The following SUOX variants were observed in gnomAD, a reference collection of about 807,000 sequenced individuals.
The protein encoded by SUOX is sulfite oxidase, mitochondrial.
SUOX carries 39 observed loss-of-function variants against 41.9 expected under a neutral mutation model. That is an observed-to-expected ratio of 0.93 (90% CI 0.72 to 1.21). SUOX has a LOEUF of 1.21. Among genes scored for constraint, SUOX ranks in the 50% most tolerant of loss-of-function variants. SUOX has a pLI of 0.00. For synonymous variants in SUOX, 220 were observed against 268.4 expected (o/e 0.82, Z 1.76); for missense variants, 633 against 689.5 (o/e 0.92, Z 0.92).
At position 56,003,764 on chromosome 12, in the gene SUOX, G is replaced by C. The variant is rs772009704; in HGVS notation, c.375G>C (p.Leu125=). ...VDLHPGGPSK[L]MLAAGGPLEP... is the part of the protein sequence containing the mutation. ...TACATCCAGGGGGGCCTTCAAAGCT[G>C]ATGCTAGCAGCTGGGGGTCCCCTAG... is the stretch of plus-strand genomic sequence containing the variant. Residue 125 remains leucine (L), a synonymous_variant, in exon 5 of 5, where the codon CTG becomes CTC. Coordinates refer to ENST00000266971, the MANE Select transcript of SUOX (RefSeq NM_001032386.2). The C allele has an allele frequency of 5.6e-6, 9 of 1,613,910 alleles. No homozygotes were observed. The highest frequency in any genetic ancestry group is 7.6e-6 in the Non-Finnish European group (9 of 1,179,890).
chr12:56,001,032 G>A (rs550246231), intron 2 of SUOX, among the ~76,000 whole-genome samples: 7 of 151,320 alleles, frequency 4.6e-5, no homozygotes, highest in South Asian at 4.2e-4. Flanking sequence ...TGATCTGCCC[G>A]TCTCAGCCTC....
chr12:56,005,380 A>C lies in SUOX; in HGVS notation c.*353A>C, dbSNP rs1222776322. 2 of 575,648 alleles carry C rather than the reference A, an allele frequency of 3.5e-6. No individual in the cohort carries two copies. 35.7% of individuals were successfully genotyped at this position (575,648 alleles called of 1,614,324 possible). A position where few individuals can be genotyped will look rare whatever the true frequency, so the allele number is the denominator to read the frequency against. ...CTTTTCTTTTTGGATTGTTCAGAGA[A>C]ATGTGTGTGGCATGTGTAAGAAAAG... On this transcript the variant is annotated 3_prime_UTR_variant, in exon 5 of 5. Coordinates refer to ENST00000266971, the MANE Select transcript of SUOX (RefSeq NM_001032386.2).
chr12:56,004,202 G>A lies in SUOX; in HGVS notation c.813G>A (p.Glu271=). 2 of 1,614,156 alleles carry A rather than the reference G, an allele frequency of 1.2e-6. No homozygotes were observed. Among genetic ancestry groups the A allele is most frequent in the South Asian group, 2.2e-5 (2 of 91,086 alleles). The change falls in exon 5 of 5, where the codon GAG becomes GAA. Residue 271 remains glutamate (E), a synonymous_variant. Transcript: ENST00000266971. The surrounding 1 kb of genome is among the most constrained non-coding windows in gnomAD (Gnocchi z 4.5). ...TLQCAGNRRS[E]MTQVKEVKGL... is the part of the protein sequence containing the mutation. The stretch of plus-strand genomic sequence containing the variant: ...AGTGTGCCGGCAACCGACGCTCTGA[G>A]ATGACTCAGGTCAAAGAAGTAAAAG...
intron 2 of SUOX, chr12:56,001,383 C>A (rs1392258559): frequency 6.6e-6 from 1 of 151,862 alleles, no homozygotes; most frequent in Non-Finnish European, 1.5e-5. Flanking sequence ...CTCAGCCTCC[C>A]AAAGTGCTGG....
At chr12:56,000,571 C>CTCCCTCAGTG (rs2136506899) in intron 2 of SUOX, among the ~76,000 whole-genome samples, 1 of 152,306 alleles carries the variant, frequency 6.6e-6, no homozygotes, top group East Asian at 1.9e-4. Context: ...CTGGCCTTGG[C>CTCCCTCAGTG]CAGCCCAGAA....
In SUOX at chr12:56,004,907, T is replaced by G. The variant is rs1304681979; in HGVS notation, c.1518T>G (p.Ile506Met). ...PVPAGQKELN[I>M]VCKAVDDGYN... is the part of the protein sequence containing the mutation. Reference sequence around the variant, plus strand: ...CAGCTGGACAAAAGGAACTGAACATTGTTTGTAAGGCTGTGGATGATGGTT... The same window carrying G: ...CAGCTGGACAAAAGGAACTGAACATGGTTTGTAAGGCTGTGGATGATGGTT... The change falls in exon 5 of 5, where the codon ATT becomes ATG. Residue 506 changes from isoleucine (I) to methionine (M), a missense_variant. Coordinates refer to ENST00000266971, the MANE Select transcript of SUOX (RefSeq NM_001032386.2). The surrounding 1 kb of genome is among the most constrained non-coding windows in gnomAD (Gnocchi z 4.5). 1 of 1,614,052 alleles carries G rather than the reference T, an allele frequency of 6.2e-7. No homozygotes were observed. The highest frequency in any genetic ancestry group is 1.7e-5 in the Admixed American group (1 of 60,016).
intron 2 of SUOX, among the ~76,000 whole-genome samples, chr12:56,000,194 G>A (rs1304970320): frequency 6.6e-6 from 1 of 152,224 alleles, no homozygotes; most frequent in East Asian, 1.9e-4. Flanking sequence ...CCGTGGAGCA[G>A]GGGTCGGTGC....
intron 3 of SUOX, 52 bp from the exon 4 acceptor site, chr12:56,002,491 A>G: frequency 6.2e-7 from 1 of 1,610,956 alleles, no homozygotes; most frequent in South Asian, 1.1e-5. Flanking sequence ...CCAAGCCTTC[A>G]CTAGCCCTTT....
In SUOX at chr12:56,004,049, G is replaced by A; in HGVS notation, c.660G>A (p.Leu220=). 6.2e-7 allele frequency: 1 copy of A among 1,614,098 alleles called. No individual in the cohort carries two copies. Among genetic ancestry groups the A allele is most frequent in the Non-Finnish European group, 8.5e-7 (1 of 1,180,010 alleles). Residue 220 remains leucine, a synonymous_variant, in exon 5 of 5, where the codon CTG becomes CTA. Coordinates refer to ENST00000266971, the MANE Select transcript of SUOX (RefSeq NM_001032386.2). The surrounding 1 kb of genome is among the most constrained non-coding windows in gnomAD (Gnocchi z 4.5). ...PNPIFFTRNH[L]PVPNLDPDTY... is the part of the protein sequence containing the mutation. ...CTATCTTCTTCACCCGGAACCATCT[G>A]CCTGTACCTAACCTGGATCCAGACA...
intron 2 of SUOX, among the ~76,000 whole-genome samples, chr12:56,001,124 T>TTG (rs1297699472): frequency 1.5e-4 from 19 of 123,124 alleles, no homozygotes; most frequent in Non-Finnish European, 3.0e-4. Flanking sequence ...CTCTCTTTTT[T>TTG]TTTTTTTTTT....
intron 2 of SUOX, among the ~76,000 whole-genome samples, chr12:56,001,128 T>G (rs1276290302): frequency 3.8e-5 from 5 of 131,866 alleles, no homozygotes; most frequent in African/African-American, 8.5e-5. Context: ...CTTTTTTTTT[T>G]TTTTTTTTTT....
At chr12:56,001,005 T>C (rs1030683543) in intron 2 of SUOX, among the ~76,000 whole-genome samples, 8 of 152,044 alleles carry the variant, frequency 5.3e-5, no homozygotes, top group Non-Finnish European at 1.2e-4. Context: ...CAGGATGGTT[T>C]CGATCTCCTG....
In SUOX at chr12:56,004,908, G is replaced by T; in HGVS notation, c.1519G>T (p.Val507Phe). The T allele has an allele frequency of 6.2e-7, 1 of 1,614,178 alleles. No individual in the cohort carries two copies. The highest frequency in any genetic ancestry group is 1.1e-5 in the South Asian group (1 of 91,084). ...VPAGQKELNI[V>F]CKAVDDGYNV... ...AGCTGGACAAAAGGAACTGAACATT[G>T]TTTGTAAGGCTGTGGATGATGGTTA... The change falls in exon 5 of 5, where the codon GTT becomes TTT. Residue 507 changes from valine (V) to phenylalanine (F), a missense_variant. Val to Phe is a conservative substitution (Grantham distance 50). Transcript: ENST00000266971. This position sits in a 1 kb window ranked among gnomAD's most constrained non-coding sequence, Gnocchi z 4.5.
At chr12:56,003,227 A>T (rs908906857) in intron 4 of SUOX, among the ~76,000 whole-genome samples, 3 of 151,366 alleles carry the variant, frequency 2.0e-5, no homozygotes, top group Non-Finnish European at 4.4e-5. Flanking sequence ...GGTCAGGGTG[A>T]GCTCAAGTGA....
intron 2 of SUOX, among the ~76,000 whole-genome samples, chr12:55,998,670 A>C (rs1245606821): frequency 6.6e-6 from 1 of 151,930 alleles, no homozygotes; most frequent in Non-Finnish European, 1.5e-5. Context: ...CCATGTCTAC[A>C]GAAAAATTAG....
chr12:56,005,029 C>G lies in SUOX; in HGVS notation c.*2C>G. ...GTCCATGTCTATGTCTCCCCATGAGCATGGAAAGGAGCCACCTCCACCCCT... is the reference window on the plus strand; with the variant it reads ...GTCCATGTCTATGTCTCCCCATGAGGATGGAAAGGAGCCACCTCCACCCCT... On this transcript the variant is annotated 3_prime_UTR_variant, in exon 5 of 5. Coordinates refer to ENST00000266971, the MANE Select transcript of SUOX (RefSeq NM_001032386.2). 6.2e-7 allele frequency: 1 copy of G among 1,609,954 alleles called. No individual in the cohort carries two copies. The highest frequency in any genetic ancestry group is 8.5e-7 in the Non-Finnish European group (1 of 1,179,994).
At chr12:56,001,778 T>A (rs1205421095) in intron 2 of SUOX, 2 of 357,834 alleles carry the variant, frequency 5.6e-6, no homozygotes, top group Non-Finnish European at 8.1e-6. Flanking sequence ...TGTCACTACT[T>A]TTTTTTCACT....
In SUOX at chr12:56,004,230, CTG is replaced by C. The variant is rs748900391; in HGVS notation, c.842_843del (p.Leu281ArgfsTer19). On this transcript the variant is annotated frameshift_variant, in exon 5 of 5. Transcript: ENST00000266971. LOFTEE classifies it high-confidence loss of function. This position sits in a 1 kb window ranked among gnomAD's most constrained non-coding sequence, Gnocchi z 4.5. ...EMTQVKEVKGLEWRTGAISTA... is the reference protein window; with the variant it reads ...EMTQVKEVKGXEWRTGAISTA... ...GACTCAGGTCAAAGAAGTAAAAGGT[CTG>C]GAGTGGAGAACAGGAGCCATCAGCA... 5.6e-6 allele frequency: 9 copies of C among 1,613,986 alleles called. No homozygotes were observed. The South Asian group carries it at 9.9e-5, about 18-fold the overall frequency.
rs970638125 is a variant in SUOX, at chr12:56,000,985, C to T, written c.-10-1227C>T. ...TATTTTTAGTAGAGATGAGGTTTCG[C>T]CGCGTTAGCCAGGATGGTTTCGATC... On this transcript the variant is annotated intron_variant, in intron 2 of 4. Coordinates refer to ENST00000266971, the MANE Select transcript of SUOX (RefSeq NM_001032386.2). Among the ~76,000 whole-genome samples the T allele has an allele frequency of 2.6e-5, 4 of 151,914 alleles. 1 individual carries two copies. Among genetic ancestry groups the T allele is most frequent in the Admixed American group, 2.0e-4 (3 of 15,260 alleles).
Sources: gnomAD v4.1 joint callset for allele counts (sites outside exome capture counted in the v4.1 genomes callset) on GRCh38, gnomAD v4.1.1 for gene constraint, Gnocchi (gnomAD v3.1) non-coding constraint, MANE v1.5 for transcripts, NCBI Gene and HGNC (gene_info 2026-07-23, HGNC 2026-07-21) for gene names.